LAMA2: variants seen among roughly 807,000 people sequenced by gnomAD.
The protein encoded by LAMA2 is laminin subunit alpha 2, also known as laminin subunit alpha-2.
In LAMA2, 269 loss-of-function variants were observed where a neutral mutation model predicts 364.8. The observed-to-expected ratio is 0.74, with a 90% CI of 0.67 to 0.82. LAMA2 has a LOEUF of 0.82. Among genes scored for constraint, LAMA2 ranks in the 40% least tolerant of loss-of-function variants. The probability of loss-of-function intolerance (pLI) is 0.00; values close to 1 mark genes in which losing one functional copy is unlikely to be tolerated. For synonymous variants in LAMA2, 1,379 were observed against 1,370.6 expected, an observed-to-expected ratio of 1.01 and a Z score of -0.14; for missense variants, 3,807 against 3,873.2, an observed-to-expected ratio of 0.98 and a Z score of 0.45.
intron 1 of LAMA2, among the ~76,000 whole-genome samples, chr6:128,910,977 G>A (rs1247796358): frequency 6.6e-6 from 1 of 151,192 alleles, no homozygotes; most frequent in African/African-American, 2.5e-5. Context: ...ACCCACTTGA[G>A]GAGGCAGTCT....
At chr6:129,327,678 T>C (rs1252094954) in intron 28 of LAMA2, among the ~76,000 whole-genome samples, 1 of 152,234 alleles carries the variant, frequency 6.6e-6, no homozygotes, top group Non-Finnish European at 1.5e-5. Flanking sequence ...TCAGCTTCAC[T>C]AGAAGTTTTC....
At chr6:129,323,782 A>C (rs1775109525) in intron 28 of LAMA2, among the ~76,000 whole-genome samples, 1 of 152,212 alleles carries the variant, frequency 6.6e-6, no homozygotes, top group South Asian at 2.1e-4. Flanking sequence ...AGCTCTCTGC[A>C]GTAATACGGA....
rs188129086 is a variant in LAMA2, at chr6:128,920,700, T to C, written c.112+37343T>C. Among the ~76,000 whole-genome samples the C allele has an allele frequency of 1.7e-3, 258 of 151,726 alleles. 1 individual carries two copies. The Middle Eastern group carries it at 0.017, about 10-fold the overall frequency. On this transcript the variant is annotated intron_variant, in intron 1 of 64. Coordinates refer to ENST00000421865, the MANE Select transcript of LAMA2 (RefSeq NM_000426.4). ...TATATATATTATATATACATGTGTG[T>C]ATATATATGCATATATATGCACACA...
intron 43 of LAMA2, 61 bp from the exon 44 acceptor site, chr6:129,443,002 A>T: frequency 7.6e-7 from 1 of 1,308,664 alleles, no homozygotes; most frequent in Non-Finnish European, 1.1e-6. Context: ...ATTTATAGAA[A>T]ATACTTCCTC....
chr6:129,444,570 C>A (rs1441793159), intron 44 of LAMA2, among the ~76,000 whole-genome samples: 1 of 152,004 alleles, frequency 6.6e-6, no homozygotes, highest in East Asian at 1.9e-4. Flanking sequence ...TAATAATAGA[C>A]CTATGTTCTT....
At chr6:128,966,655 A>G (rs899146734) in intron 1 of LAMA2, among the ~76,000 whole-genome samples, 4 of 152,270 alleles carry the variant, frequency 2.6e-5, no homozygotes, top group African/African-American at 9.6e-5. Context: ...AAATGATTCA[A>G]TTGTTGTCTC....
chr6:129,286,265 A>T (rs976680126), intron 18 of LAMA2, among the ~76,000 whole-genome samples: 5 of 151,872 alleles, frequency 3.3e-5, no homozygotes, highest in African/African-American at 1.2e-4. Flanking sequence ...TAAGATGGCA[A>T]AGATAACAGA....
At chr6:129,428,700 C>T (rs1781444845) in intron 41 of LAMA2, among the ~76,000 whole-genome samples, 1 of 152,152 alleles carries the variant, frequency 6.6e-6, no homozygotes, top group Admixed American at 6.5e-5. Context: ...CCGCCTCGGC[C>T]TCCCAAAGTG....
At chr6:129,316,286 A>G in intron 27 of LAMA2, 115 bp downstream of exon 27, 2 of 850,128 alleles carry the variant, frequency 2.4e-6, no homozygotes, top group African/African-American at 1.7e-5. Flanking sequence ...CAGTATAATG[A>G]TAGAAGATAA....
chr6:129,427,886 A>G (rs1015748695), intron 41 of LAMA2, 32 bp downstream of exon 41: 2 of 1,323,692 alleles, frequency 1.5e-6, no homozygotes, highest in Non-Finnish European at 2.2e-6. Context: ...ATTATATTCC[A>G]GTTAATCGGG....
intron 29 of LAMA2, among the ~76,000 whole-genome samples, chr6:129,335,861 A>C (rs1432277731): frequency 6.6e-6 from 1 of 152,222 alleles, no homozygotes; most frequent in African/African-American, 2.4e-5. Context: ...CCAGACGGCA[A>C]GAGAGTGTAA....
Position 129,091,336 on chromosome 6 carries a change from GATTATT to G in LAMA2, c.397-6829_397-6824del, listed in dbSNP as rs1774813030. ...AGTATTATCATTAGTCATCCAGTTAGATTATTATTATTAGGAATTCTGAGGTGGTGG... is the reference window on the plus strand; with the variant it reads ...AGTATTATCATTAGTCATCCAGTTAGATTATTAGGAATTCTGAGGTGGTGG... On this transcript the variant is annotated intron_variant, in intron 3 of 64. Transcript: ENST00000421865. 3.9e-5 allele frequency among the ~76,000 whole-genome samples: 6 copies of G among 152,244 alleles called. No individual in the cohort carries two copies. The South Asian group carries it at 1.2e-3, about 32-fold the overall frequency.
At chr6:128,916,655 T>C (rs529528670) in intron 1 of LAMA2, among the ~76,000 whole-genome samples, 1 of 152,344 alleles carries the variant, frequency 6.6e-6, no homozygotes, top group South Asian at 2.1e-4. Context: ...TCCTATGCAG[T>C]GGTGTTTCTC....
intron 58 of LAMA2, among the ~76,000 whole-genome samples, chr6:129,495,221 A>G (rs547873831): frequency 3.3e-5 from 5 of 152,326 alleles, no homozygotes; most frequent in African/African-American, 1.2e-4. Flanking sequence ...TTGTATTTCT[A>G]TAGGCAAACA....
At chr6:129,241,418 A>G (rs988395486) in intron 12 of LAMA2, among the ~76,000 whole-genome samples, 1 of 152,216 alleles carries the variant, frequency 6.6e-6, no homozygotes, top group African/African-American at 2.4e-5. Context: ...TTTGAAAACT[A>G]TACTTATTAA....
At chr6:128,965,354 A>C (rs1035577545) in intron 1 of LAMA2, among the ~76,000 whole-genome samples, 1 of 152,026 alleles carries the variant, frequency 6.6e-6, no homozygotes, top group African/African-American at 2.4e-5. Context: ...TCTCTTGTGC[A>C]AGTTTGATAA....
intron 28 of LAMA2, among the ~76,000 whole-genome samples, chr6:129,327,495 A>G (rs925059826): frequency 2.0e-5 from 3 of 152,210 alleles, no homozygotes; most frequent in Non-Finnish European, 2.9e-5. Context: ...CCTTTTATTC[A>G]TAAATCAAGC....
intron 4 of LAMA2, among the ~76,000 whole-genome samples, chr6:129,137,491 T>A (rs986496674): frequency 6.6e-6 from 1 of 152,064 alleles, no homozygotes; most frequent in Non-Finnish European, 1.5e-5. Flanking sequence ...TTGATTTACC[T>A]AAACGTATGA....
At chr6:129,348,051 C>T (rs1304669994) in intron 30 of LAMA2, among the ~76,000 whole-genome samples, 4 of 152,098 alleles carry the variant, frequency 2.6e-5, no homozygotes, top group East Asian at 1.9e-4. Flanking sequence ...TTCGCGTATG[C>T]GTGCATGTGC....
Sources: gnomAD v4.1 joint callset for allele counts (sites outside exome capture counted in the v4.1 genomes callset) on GRCh38, gnomAD v4.1.1 for gene constraint, MANE v1.5 for transcripts, NCBI Gene and HGNC (gene_info 2026-07-23, HGNC 2026-07-21) for gene names.